MAP10: variants seen among roughly 807,000 people sequenced by gnomAD.
MAP10 encodes the protein microtubule-associated protein 10.
In MAP10, 10 loss-of-function variants were observed where a neutral mutation model predicts 6.3. The observed-to-expected ratio is 1.58, with a 90% CI of 0.98 to 2.69. MAP10 has a LOEUF of 2.69. MAP10 is among the 30% of genes most tolerant of loss of function. The probability of loss-of-function intolerance (pLI) is 0.00; values close to 1 mark genes in which losing one functional copy is unlikely to be tolerated. For missense variants in MAP10, 1,189 were observed against 1,086.5 expected (o/e 1.09, Z -1.33); for synonymous variants, 459 against 429.3 (o/e 1.07, Z -0.86).
Position 232,806,491 on chromosome 1 carries a change from C to T in MAP10, c.1042C>T (p.His348Tyr). 1 of 1,613,924 alleles carries T rather than the reference C, an allele frequency of 6.2e-7. No homozygotes were observed. Among genetic ancestry groups the T allele is most frequent in the Non-Finnish European group, 8.5e-7 (1 of 1,179,884 alleles). The change falls in exon 1 of 1, where the codon CAC becomes TAC. Residue 348 changes from histidine (H) to tyrosine (Y), a missense_variant. By Grantham distance (83) the His-to-Tyr change is moderately conservative. Transcript: ENST00000418460. ...AAAAAAGCGTGTAAATCCCCCAGCA[C>T]ACAGGAGTTGTCTAAAGCATCCAAG... ...PEKKRVNPPA[H>Y]RSCLKHPSSA...
chr1:232,806,567 A>G lies in MAP10; in HGVS notation c.1118A>G (p.Gln373Arg). The G allele has an allele frequency of 6.2e-7, 1 of 1,613,958 alleles. No homozygotes were observed. The highest frequency in any genetic ancestry group is 1.1e-5 in the South Asian group (1 of 91,070). The part of the protein sequence containing the change: ...PPMLVNPPHI[Q>R]NIGATNQTCQ... The stretch of plus-strand genomic sequence containing the variant: ...ATGCTTGTAAATCCTCCACATATTC[A>G]GAATATAGGAGCAACTAATCAAACA... Residue 373 changes from glutamine (Q) to arginine (R), a missense_variant, in exon 1 of 1, where the codon CAG (glutamine) becomes CGG (arginine). Transcript: ENST00000418460.
rs971192486 is a variant in MAP10, at chr1:232,806,516, G to T, written c.1067G>T (p.Ser356Ile). 3.7e-6 allele frequency: 6 copies of T among 1,613,786 alleles called. No individual in the cohort carries two copies. Among genetic ancestry groups the T allele is most frequent in the African/African-American group, 1.3e-5 (1 of 74,912 alleles). ...PAHRSCLKHPSSAAHEHPPML... is the reference protein window; with the variant it reads ...PAHRSCLKHPISAAHEHPPML... Reference sequence around the variant, plus strand: ...CACAGGAGTTGTCTAAAGCATCCAAGTTCTGCAGCACACGAACATCCTCCA... The same window carrying T: ...CACAGGAGTTGTCTAAAGCATCCAATTTCTGCAGCACACGAACATCCTCCA... The change falls in exon 1 of 1, where the codon AGT becomes ATT. Residue 356 changes from serine (S) to isoleucine (I), a missense_variant. Physicochemically the swap from Ser to Ile is moderately radical, Grantham distance 142 (BLOSUM62 -2). Transcript: ENST00000418460.
In MAP10 at chr1:232,806,309, A is replaced by C; in HGVS notation, c.860A>C (p.Glu287Ala). The C allele has an allele frequency of 6.2e-7, 1 of 1,613,960 alleles. No homozygotes were observed. The highest frequency in any genetic ancestry group is 8.5e-7 in the Non-Finnish European group (1 of 1,179,898). ...GNGRNVSSLN[E>A]EVTELDMETN... is the part of the protein sequence containing the mutation. ...GGGAGAAATGTTAGCTCCCTAAATGAGGAAGTCACAGAATTGGACATGGAG... is the reference window on the plus strand; with the variant it reads ...GGGAGAAATGTTAGCTCCCTAAATGCGGAAGTCACAGAATTGGACATGGAG... Residue 287 changes from glutamate (E) to alanine (A), a missense_variant, in exon 1 of 1, where the codon GAG (glutamate) becomes GCG (alanine). Glu to Ala is a moderately radical substitution (Grantham distance 107). Transcript: ENST00000418460.
chr1:232,805,694 C>G lies in MAP10; in HGVS notation c.245C>G (p.Pro82Arg). The change falls in exon 1 of 1, where the codon CCG becomes CGG. Residue 82 changes from proline (P) to arginine (R), a missense_variant. Transcript: ENST00000418460. ...PDGPGAPAAEPWPGVIRFGRG... is the reference protein window; with the variant it reads ...PDGPGAPAAERWPGVIRFGRG... ...GGCCCCGGCGCTCCCGCCGCCGAAC[C>G]GTGGCCCGGTGTCATCCGCTTCGGT... 5 of 1,604,254 alleles carry G rather than the reference C, an allele frequency of 3.1e-6. No individual in the cohort carries two copies. Among genetic ancestry groups the G allele is most frequent in the Non-Finnish European group, 4.2e-6 (5 of 1,179,108 alleles).
chr1:232,805,775 T>C lies in MAP10; in HGVS notation c.326T>C (p.Leu109Pro), dbSNP rs1210153151. The change falls in exon 1 of 1, where the codon CTG becomes CCG. Residue 109 changes from leucine (L) to proline (P), a missense_variant. By Grantham distance (98) the Leu-to-Pro change is moderately conservative. Coordinates refer to ENST00000418460, the MANE Select transcript of MAP10 (RefSeq NM_019090.3). ...CCTGCTACCCTGCACTGCCGGCTCC[T>C]GCGGACCCCGCTTGCCACCTTGCTG... The part of the protein sequence containing the change: ...LQPATLHCRL[L>P]RTPLATLLLQ... The C allele has an allele frequency of 9.4e-6, 15 of 1,600,164 alleles. No homozygotes were observed. Among genetic ancestry groups the C allele is most frequent in the African/African-American group, 2.7e-5 (2 of 74,698 alleles).
At position 232,805,608 on chromosome 1, in the gene MAP10, G is replaced by T. The variant is rs12567597; in HGVS notation, c.159G>T (p.Leu53=). 0.12 allele frequency: 187,919 copies of T among 1,561,368 alleles called. 11,799 individuals are homozygous for T. Among genetic ancestry groups the T allele is most frequent in the East Asian group, 0.22 (9,086 of 41,742 alleles). ...GGGAGGCCTCGTCGCCGCGCGGTCT[G>T]TGCCCCGCCGTGGCCTTCCGCCTGC... ...EQGEASSPRG[L]CPAVAFRLLD... is the part of the protein sequence containing the mutation. The change falls in exon 1 of 1, where the codon CTG becomes CTT. Residue 53 remains leucine (L), a synonymous_variant. Transcript: ENST00000418460.
At position 232,805,666 on chromosome 1, in the gene MAP10, G is replaced by A. The variant is rs749804576; in HGVS notation, c.217G>A (p.Asp73Asn). Residue 73 changes from aspartate to asparagine, a missense_variant, in exon 1 of 1, where the codon GAC becomes AAC. Asp to Asn is a conservative substitution (Grantham distance 23, BLOSUM62 1). Coordinates refer to ENST00000418460, the MANE Select transcript of MAP10 (RefSeq NM_019090.3). ...DFPTLLVYPPDGPGAPAAEPW... is the reference protein window; with the variant it reads ...DFPTLLVYPPNGPGAPAAEPW... ...CCCCACGCTGTTGGTTTACCCTCCT[G>A]ACGGCCCCGGCGCTCCCGCCGCCGA... 21 of 1,597,618 alleles carry A rather than the reference G, an allele frequency of 1.3e-5. No homozygotes were observed. Among genetic ancestry groups the A allele is most frequent in the Admixed American group, 5.1e-5 (3 of 58,854 alleles).
the MAP10 span, chr1:232,805,820 GC>G: frequency 6.3e-7 from 1 of 1,590,568 alleles, no homozygotes; most frequent in Non-Finnish European, 8.6e-7. Flanking sequence ...CCCCCTGGGC[GC>G]CCGACGCCCA....
the MAP10 span, chr1:232,807,117 AC>A: frequency 1.2e-6 from 2 of 1,612,036 alleles, no homozygotes; most frequent in African/African-American, 2.7e-5. Flanking sequence ...AGAAGCCACA[AC>A]TGCCTGAAGA....
At position 232,805,416 on chromosome 1, in the gene MAP10, G is replaced by A. The variant is rs377032191; in HGVS notation, c.-34G>A. 1,252 of 1,612,990 alleles carry A rather than the reference G, an allele frequency of 7.8e-4. 2 individuals are homozygous for A. The highest frequency in any genetic ancestry group is 1.0e-3 in the Non-Finnish European group (1,179 of 1,179,676). On this transcript the variant is annotated 5_prime_UTR_variant, in exon 1 of 1. Coordinates refer to ENST00000418460, the MANE Select transcript of MAP10 (RefSeq NM_019090.3). ...CCCGGGGCTTCAGCTTCTCGTTTGC[G>A]GAGCCCGCGGCGGCGTTTCCTGGGG...
chr1:232,807,321 C>T lies in MAP10; in HGVS notation c.1872C>T (p.Ser624=). Residue 624 remains serine, a synonymous_variant, in exon 1 of 1, where the codon TCC becomes TCT. Coordinates refer to ENST00000418460, the MANE Select transcript of MAP10 (RefSeq NM_019090.3). The part of the protein sequence containing the change: ...SLEEVVSPAN[S]IIPERLTPTN... ...AAGAAGTTGTGAGTCCTGCAAATTC[C>T]ATTATTCCAGAAAGGCTTACCCCTA... 6.2e-7 allele frequency: 1 copy of T among 1,613,850 alleles called. No homozygotes were observed. Among genetic ancestry groups the T allele is most frequent in the African/African-American group, 1.3e-5 (1 of 75,026 alleles).
At position 232,807,439 on chromosome 1, in the gene MAP10, A is replaced by G. The variant is rs535868420; in HGVS notation, c.1990A>G (p.Ile664Val). ...AVVDRIVDKE[I>V]DIRQVKTTDN... Reference sequence around the variant, plus strand: ...TGTTGACAGAATTGTAGATAAGGAAATAGATATTAGACAGGTCAAAACCAC... The same window carrying G: ...TGTTGACAGAATTGTAGATAAGGAAGTAGATATTAGACAGGTCAAAACCAC... The change falls in exon 1 of 1, where the codon ATA (isoleucine) becomes GTA (valine). Residue 664 changes from isoleucine to valine, a missense_variant. Ile to Val is a conservative substitution (Grantham distance 29, BLOSUM62 3). Transcript: ENST00000418460. 3.1e-6 allele frequency: 5 copies of G among 1,613,814 alleles called. No individual in the cohort carries two copies. The highest frequency in any genetic ancestry group is 1.7e-5 in the Admixed American group (1 of 60,018).
chr1:232,809,169 A>C lies in MAP10; in HGVS notation c.*1002A>C, dbSNP rs1666157557. Among the ~76,000 whole-genome samples, 1 of 152,056 alleles carries C rather than the reference A, an allele frequency of 6.6e-6. No individual in the cohort carries two copies. Among genetic ancestry groups the C allele is most frequent in the African/African-American group, 2.4e-5 (1 of 41,420 alleles). ...ATGGAACTTTGTTTTTATGAAATCC[A>C]GTGATAATTTATAATTTATTCCATT... On this transcript the variant is annotated 3_prime_UTR_variant, in exon 1 of 1. Coordinates refer to ENST00000418460, the MANE Select transcript of MAP10 (RefSeq NM_019090.3).
In MAP10 at chr1:232,807,929, A is replaced by G; in HGVS notation, c.2480A>G (p.Gln827Arg). 1.9e-6 allele frequency: 3 copies of G among 1,613,276 alleles called. No individual in the cohort carries two copies. The highest frequency in any genetic ancestry group is 2.5e-6 in the Non-Finnish European group (3 of 1,179,644). Residue 827 changes from glutamine to arginine, a missense_variant, in exon 1 of 1, where the codon CAA (glutamine) becomes CGA (arginine). Transcript: ENST00000418460. The stretch of plus-strand genomic sequence containing the variant: ...AATTCTGAAATTACAAAGAGAGCTC[A>G]AGACATCTCTGTTAAAACAAGAAGT... ...MHNSEITKRA[Q>R]DISVKTRSSW... is the part of the protein sequence containing the mutation.
rs1666138894 is a variant in MAP10, at chr1:232,808,033, C to G, written c.2584C>G (p.Leu862Val). The change falls in exon 1 of 1, where the codon CTT (leucine) becomes GTT (valine). Residue 862 changes from leucine (L) to valine (V), a missense_variant. Transcript: ENST00000418460. ...SSYLPSNVSE[L>V]NVLDSSTSDH... ...TTACCTGCCTTCAAATGTGTCCGAA[C>G]TTAATGTCCTGGATAGCAGTACATC... The G allele has an allele frequency of 6.2e-7, 1 of 1,613,378 alleles. No homozygotes were observed. Among genetic ancestry groups the G allele is most frequent in the Non-Finnish European group, 8.5e-7 (1 of 1,179,464 alleles).
rs1666139739 is a variant in MAP10 at position 232,808,074 on chromosome 1, A to C, written c.2625A>C (p.Glu875Asp). Residue 875 changes from glutamate (E) to aspartate (D), a missense_variant, in exon 1 of 1, where the codon GAA becomes GAC. Physicochemically the swap from Glu to Asp is conservative, Grantham distance 45 (BLOSUM62 2). Coordinates refer to ENST00000418460, the MANE Select transcript of MAP10 (RefSeq NM_019090.3). Reference sequence around the variant, plus strand: ...GCAGTACATCAGATCACTTTGAAGAAGGCAATGATGATGTTGGTTCACTAA... The same window carrying C: ...GCAGTACATCAGATCACTTTGAAGACGGCAATGATGATGTTGGTTCACTAA... ...LDSSTSDHFE[E>D]GNDDVGSLNI... 1 of 1,607,812 alleles carries C rather than the reference A, an allele frequency of 6.2e-7. No homozygotes were observed. Among genetic ancestry groups the C allele is most frequent in the African/African-American group, 1.3e-5 (1 of 74,848 alleles).
Position 232,807,113 on chromosome 1 carries a change from C to T in MAP10, c.1664C>T (p.Pro555Leu). ...AGCTCTGCAGAACAAAGTCAGAAGC[C>T]ACAACTGCCTGAAGATAAGTATTTA... ...LLSSAEQSQK[P>L]QLPEDKYLDS... Residue 555 changes from proline (P) to leucine (L), a missense_variant, in exon 1 of 1, where the codon CCA (proline) becomes CTA (leucine). By Grantham distance (98) the Pro-to-Leu change is moderately conservative. Coordinates refer to ENST00000418460, the MANE Select transcript of MAP10 (RefSeq NM_019090.3). 1 of 1,612,012 alleles carries T rather than the reference C, an allele frequency of 6.2e-7. No homozygotes were observed. The highest frequency in any genetic ancestry group is 8.5e-7 in the Non-Finnish European group (1 of 1,179,156).
Position 232,805,850 on chromosome 1 carries a change from C to T in MAP10, c.401C>T (p.Ala134Val). 2 of 1,590,496 alleles carry T rather than the reference C, an allele frequency of 1.3e-6. No individual in the cohort carries two copies. Among genetic ancestry groups the T allele is most frequent in the Non-Finnish European group, 8.6e-7 (1 of 1,168,058 alleles). Reference sequence around the variant, plus strand: ...ACGCCCACCCCACAGCTCCTGGGGGCCTGCGACATTTCGCTGGCCACCGCA... The same window carrying T: ...ACGCCCACCCCACAGCTCCTGGGGGTCTGCGACATTTCGCTGGCCACCGCA... The part of the protein sequence containing the change: ...RPTPTPQLLG[A>V]CDISLATAAH... The change falls in exon 1 of 1, where the codon GCC becomes GTC. Residue 134 changes from alanine (A) to valine (V), a missense_variant. Coordinates refer to ENST00000418460, the MANE Select transcript of MAP10 (RefSeq NM_019090.3).
rs531801115 is a variant in MAP10, at chr1:232,806,367, C to T, written c.918C>T (p.Tyr306=). The change falls in exon 1 of 1, where the codon TAC becomes TAT. Residue 306 remains tyrosine, a synonymous_variant. Coordinates refer to ENST00000418460, the MANE Select transcript of MAP10 (RefSeq NM_019090.3). The part of the protein sequence containing the change: ...TNIFCPPPLY[Y]TNLTQEKPPP... ...TATTTTGCCCTCCTCCTTTGTATTA[C>T]ACTAACTTGACCCAAGAAAAACCGC... 3.9e-5 allele frequency: 63 copies of T among 1,613,884 alleles called. No individual in the cohort carries two copies. The East Asian group carries it at 1.4e-3, about 35-fold the overall frequency.
Sources: allele counts gnomAD v4.1 joint callset (sites outside exome capture counted in the v4.1 genomes callset), GRCh38; gene constraint gnomAD v4.1.1; transcripts MANE v1.5; gene names NCBI Gene and HGNC (gene_info 2026-07-23, HGNC 2026-07-21).